The following RHOBTB1 variants were observed in gnomAD, a reference collection of about 807,000 sequenced individuals.
RHOBTB1 encodes the protein Rho related BTB domain containing 1, also known as rho-related BTB domain-containing protein 1.
A neutral mutation model predicts 71.6 loss-of-function variants in RHOBTB1; 40 were observed. That is an observed-to-expected ratio of 0.56 (90% confidence interval 0.43 to 0.73). The LOEUF is 0.73. Among genes scored for constraint, RHOBTB1 ranks in the 30% least tolerant of loss-of-function variants. The probability of loss-of-function intolerance (pLI) is 0.00; values close to 1 mark genes in which losing one functional copy is unlikely to be tolerated. For missense variants in RHOBTB1, 797 were observed against 894.0 expected (o/e 0.89, Z 1.38); for synonymous variants, 319 against 334.9 (o/e 0.95, Z 0.52).
At chr10:60,942,313 G>A (rs1030427570) in intron 1 of RHOBTB1, among the ~76,000 whole-genome samples, 1 of 152,130 alleles carries the variant, frequency 6.6e-6, no homozygotes, top group African/African-American at 2.4e-5. Context: ...GTATTATTGA[G>A]CCAATAACAT....
chr10:60,961,356 G>C (rs2085770807), intron 2 of RHOBTB1, among the ~76,000 whole-genome samples: 1 of 152,126 alleles, frequency 6.6e-6, no homozygotes, highest in Non-Finnish European at 1.5e-5. Context: ...TGTATTATGT[G>C]ACCTTGCTGA....
intron 10 of RHOBTB1, 129 bp downstream of exon 10, chr10:60,872,056 C>T (rs2080815874): frequency 1.3e-6 from 1 of 749,158 alleles, no homozygotes; most frequent in Non-Finnish European, 2.4e-6. Flanking sequence ...AATATGTGAC[C>T]ACCAGCCAGT....
chr10:60,964,500 T>C lies in RHOBTB1; in HGVS notation c.-62+21345A>G, dbSNP rs140860536. ...CTGTATAACCCTTAAAAACTTTACA[T>C]TGCATGCTTTTCTAAGGCCACCTGC... On this transcript the variant is annotated intron_variant, in intron 2 of 11. Coordinates refer to the RHOBTB1 transcript ENST00000357917. 5.6e-4 allele frequency among the ~76,000 whole-genome samples: 86 copies of C among 152,276 alleles called. No individual in the cohort carries two copies. The East Asian group carries it at 0.01, about 18-fold the overall frequency.
At chr10:60,933,654 C>G (rs947313009) in intron 2 of RHOBTB1, among the ~76,000 whole-genome samples, 2 of 151,618 alleles carry the variant, frequency 1.3e-5, no homozygotes. Context: ...TGAGCCGAGA[C>G]CACGCCATTG....
At chr10:60,958,969 A>G (rs1030656965) in intron 2 of RHOBTB1, among the ~76,000 whole-genome samples, 1 of 152,110 alleles carries the variant, frequency 6.6e-6, no homozygotes, top group Non-Finnish European at 1.5e-5. Context: ...CATTTTGGTA[A>G]ACTATTACTT....
intron 4 of RHOBTB1, among the ~76,000 whole-genome samples, chr10:60,902,041 T>G (rs367628521): frequency 6.6e-6 from 1 of 152,318 alleles, no homozygotes; most frequent in East Asian, 1.9e-4. Context: ...GCACTCCGCT[T>G]TCCAAGGACA....
downstream of RHOBTB1, among the ~76,000 whole-genome samples, chr10:60,866,550 T>C (rs1357521236): frequency 1.3e-5 from 2 of 152,064 alleles, no homozygotes; most frequent in Non-Finnish European, 2.9e-5. Flanking sequence ...CTGAGAAGCA[T>C]GGCTAACTAG....
chr10:60,941,021 A>G (rs1204054822), intron 2 of RHOBTB1, among the ~76,000 whole-genome samples: 2 of 152,244 alleles, frequency 1.3e-5, no homozygotes, highest in African/African-American at 2.4e-5. Flanking sequence ...GAAAGTACAC[A>G]TGAATACTTA....
At chr10:60,996,760 ATAT>A (rs1263600303) in intron 1 of RHOBTB1, among the ~76,000 whole-genome samples, 5 of 152,210 alleles carry the variant, frequency 3.3e-5, no homozygotes, top group African/African-American at 4.8e-5. Context: ...GCAAATAAAA[ATAT>A]TATACGGGAG....
At chr10:60,890,310 T>C (rs185288055) in intron 5 of RHOBTB1, among the ~76,000 whole-genome samples, 2 of 152,162 alleles carry the variant, frequency 1.3e-5, no homozygotes, top group African/African-American at 4.8e-5. Flanking sequence ...ACTCCTCACA[T>C]TTTAGTCCAC....
chr10:60,935,522 C>T (rs2084529079), intron 2 of RHOBTB1, among the ~76,000 whole-genome samples: 1 of 151,974 alleles, frequency 6.6e-6, no homozygotes, highest in Non-Finnish European at 1.5e-5. Flanking sequence ...TGTGGATCTA[C>T]TAAAACTGTG....
At chr10:60,864,595 C>G (rs928427824), downstream of RHOBTB1, among the ~76,000 whole-genome samples, 24 of 152,246 alleles carry the variant, frequency 1.6e-4, no homozygotes, top group Middle Eastern at 3.4e-3. Flanking sequence ...AGAAAGTTCA[C>G]ATTAATTTTT....
intron 2 of RHOBTB1, among the ~76,000 whole-genome samples, chr10:60,924,780 A>T (rs1306160384): frequency 6.6e-6 from 1 of 152,370 alleles, no homozygotes; most frequent in Admixed American, 6.5e-5. Flanking sequence ...TTAAAAAATT[A>T]TATCCAGTAT....
In RHOBTB1 at chr10:60,871,183, T is replaced by C. The variant is rs562978703; in HGVS notation, c.*299A>G. 2 of 256,790 alleles carry C rather than the reference T, an allele frequency of 7.8e-6. No individual in the cohort carries two copies. The highest frequency in any genetic ancestry group is 1.5e-5 in the Non-Finnish European group (2 of 136,690). The allele number at this position is 256,790 out of a possible 1,614,324, so 15.9% of individuals were successfully genotyped here. On this transcript the variant is annotated 3_prime_UTR_variant, in exon 11 of 11. Transcript: ENST00000337910. The stretch of plus-strand genomic sequence containing the variant: ...AAACATGAAAGCTGAATTTTTTTTC[T>C]TTGTATAAAAAGAAACAAAATAACA...
Position 60,923,452 on chromosome 10 carries a change from T to C in RHOBTB1, c.-10-11900A>G, listed in dbSNP as rs182499366. On this transcript the variant is annotated intron_variant, in intron 2 of 10. Transcript: ENST00000337910. The stretch of plus-strand genomic sequence containing the variant: ...TGAAAGCCGTGCTGGCAACAGTACA[T>C]AGTAGACTTGAAAATGTTGTAAAAT... 1.2e-4 allele frequency among the ~76,000 whole-genome samples: 18 copies of C among 152,322 alleles called. No individual in the cohort carries two copies. In the East Asian group the frequency reaches 2.3e-3, roughly 20 times the overall value.
intron 2 of RHOBTB1, among the ~76,000 whole-genome samples, chr10:60,952,377 T>G (rs1046866577): frequency 1.3e-5 from 2 of 152,208 alleles, no homozygotes; most frequent in African/African-American, 4.8e-5. Context: ...CTTTTTAAGC[T>G]GTAATAATAC....
intron 2 of RHOBTB1, among the ~76,000 whole-genome samples, chr10:60,970,005 T>C (rs1271513431): frequency 6.6e-6 from 1 of 152,064 alleles, no homozygotes; most frequent in Non-Finnish European, 1.5e-5. Flanking sequence ...AACCGTTTGA[T>C]TGACACATAG....
chr10:60,947,255 T>C (rs899453792), upstream of RHOBTB1, among the ~76,000 whole-genome samples: 1 of 152,336 alleles, frequency 6.6e-6, no homozygotes, highest in Non-Finnish European at 1.5e-5. Flanking sequence ...GTACCATTCC[T>C]TTAAGTAAAC....
intron 2 of RHOBTB1, among the ~76,000 whole-genome samples, chr10:60,953,169 A>T (rs373119390): frequency 6.6e-5 from 10 of 152,340 alleles, no homozygotes; most frequent in African/African-American, 2.4e-4. Context: ...ATATATGGAC[A>T]ACATGGGTAA....
Sources: gnomAD v4.1 joint callset for allele counts (sites outside exome capture counted in the v4.1 genomes callset) on GRCh38, gnomAD v4.1.1 for gene constraint, MANE v1.5 for transcripts, NCBI Gene and HGNC (gene_info 2026-07-23, HGNC 2026-07-21) for gene names.